Variants in NRG3 observed in about 807,000 individuals in gnomAD.
NRG3 encodes neuregulin 3.
Under a neutral mutation model 66.9 loss-of-function variants are expected in NRG3, and 31 were observed. The ratio of observed to expected loss-of-function variants is 0.46; its 90% CI spans 0.35 to 0.63. The LOEUF is 0.63. Among genes scored for constraint, NRG3 ranks in the 20% least tolerant of loss-of-function variants. The probability of loss-of-function intolerance (pLI) is 0.00; values close to 1 mark genes in which losing one functional copy is unlikely to be tolerated. For missense variants in NRG3, 910 were observed against 878.9 expected (o/e 1.04, Z -0.45); for synonymous variants, 393 against 359.4 (o/e 1.09, Z -1.06).
At chr10:82,159,025 A>T (rs187390205) in intron 1 of NRG3, among the ~76,000 whole-genome samples, 3 of 151,682 alleles carry the variant, frequency 2.0e-5, no homozygotes, top group Non-Finnish European at 4.4e-5. Flanking sequence ...ATAGGTTTCA[A>T]TTTTTTTTAG....
At position 82,843,371 on chromosome 10, in the gene NRG3, G is replaced by A. The variant is rs187140322; in HGVS notation, c.1028-22040G>A. On this transcript the variant is annotated intron_variant, in intron 3 of 8. Transcript: ENST00000372141. ...CCTTCCTTCCATCATGGACTGATGAGCAGGAAGGCCCTTATCAGATATTGG... is the reference window on the plus strand; with the variant it reads ...CCTTCCTTCCATCATGGACTGATGAACAGGAAGGCCCTTATCAGATATTGG... 163 of 323,634 alleles carry A rather than the reference G, an allele frequency of 5.0e-4. 1 individual carries two copies. The highest frequency in any genetic ancestry group is 9.4e-4 in the Non-Finnish European group (146 of 155,332). The allele number at this position is 323,634 out of a possible 1,614,324, so 20.0% of individuals were successfully genotyped here.
At chr10:82,160,146 A>C (rs1019743778) in intron 1 of NRG3, among the ~76,000 whole-genome samples, 1 of 151,950 alleles carries the variant, frequency 6.6e-6, no homozygotes, top group African/African-American at 2.4e-5. Flanking sequence ...TTTTCAAAAA[A>C]ATAATAAAAA....
At chr10:82,898,213 C>T (rs1843848260) in intron 4 of NRG3, among the ~76,000 whole-genome samples, 1 of 152,216 alleles carries the variant, frequency 6.6e-6, no homozygotes, top group African/African-American at 2.4e-5. Context: ...CCCTGGTTGC[C>T]TACAGTGGTC....
chr10:82,829,699 G>A (rs1353820422), intron 3 of NRG3, among the ~76,000 whole-genome samples: 1 of 152,156 alleles, frequency 6.6e-6, no homozygotes, highest in African/African-American at 2.4e-5. Flanking sequence ...AGCCTGGGGA[G>A]TAACCTAGAG....
chr10:82,723,780 G>A (rs901837823), intron 2 of NRG3, among the ~76,000 whole-genome samples: 1 of 152,028 alleles, frequency 6.6e-6, no homozygotes, highest in African/African-American at 2.4e-5. Context: ...AGGAGTTCGA[G>A]ACCAAACTGG....
At chr10:82,613,874 T>TC (rs1461745749) in intron 2 of NRG3, among the ~76,000 whole-genome samples, 1 of 127,160 alleles carries the variant, frequency 7.9e-6, no homozygotes, top group African/African-American at 3.0e-5. Context: ...AGTGTGATGT[T>TC]CCCTTTCCTG....
intron 4 of NRG3, among the ~76,000 whole-genome samples, chr10:82,924,840 G>A (rs1470813234): frequency 6.6e-6 from 1 of 152,118 alleles, no homozygotes; most frequent in Non-Finnish European, 1.5e-5. Context: ...TGGCTGTTTA[G>A]CAGTTCAGCC....
chr10:82,906,510 A>T (rs1844749294), intron 4 of NRG3, among the ~76,000 whole-genome samples: 1 of 152,206 alleles, frequency 6.6e-6, no homozygotes, highest in South Asian at 2.1e-4. Flanking sequence ...CAACAGTTTG[A>T]CATAAATGTA....
chr10:81,933,431 A>G (rs965051274), intron 1 of NRG3, among the ~76,000 whole-genome samples: 5 of 152,162 alleles, frequency 3.3e-5, no homozygotes, highest in African/African-American at 1.2e-4. Context: ...AATTATTATT[A>G]TTATTTTATT....
chr10:82,072,233 T>C (rs1317135909), intron 1 of NRG3, among the ~76,000 whole-genome samples: 2 of 152,234 alleles, frequency 1.3e-5, no homozygotes, highest in Non-Finnish European at 2.9e-5. Flanking sequence ...AACAGGACTT[T>C]CTGAAAGATT....
chr10:82,860,973 C>T (rs1031950491), intron 3 of NRG3, among the ~76,000 whole-genome samples: 6 of 152,206 alleles, frequency 3.9e-5, no homozygotes, highest in South Asian at 2.1e-4. Context: ...AGAAATAGTG[C>T]GATTTATGAT....
intron 1 of NRG3, among the ~76,000 whole-genome samples, chr10:82,165,156 G>A (rs1375348245): frequency 6.6e-6 from 1 of 151,974 alleles, no homozygotes; most frequent in East Asian, 1.9e-4. Context: ...CATTTATGCT[G>A]TTATATTTTA....
At chr10:81,938,825 T>C (rs1848147660) in intron 1 of NRG3, among the ~76,000 whole-genome samples, 1 of 152,050 alleles carries the variant, frequency 6.6e-6, no homozygotes, top group African/African-American at 2.4e-5. Context: ...GTGGGTATCC[T>C]TGCCTTCTTC....
chr10:82,652,444 A>G (rs953268479), intron 2 of NRG3, among the ~76,000 whole-genome samples: 6 of 152,094 alleles, frequency 3.9e-5, no homozygotes, highest in African/African-American at 1.4e-4. Flanking sequence ...ATGGGAAGAT[A>G]ATCTTCCCCT....
chr10:82,413,967 A>T (rs1330032914), intron 2 of NRG3, among the ~76,000 whole-genome samples: 2 of 152,126 alleles, frequency 1.3e-5, no homozygotes, highest in Non-Finnish European at 2.9e-5. Flanking sequence ...TCAGACCACT[A>T]AAACTTTCTC....
chr10:82,501,612 C>G (rs1356031228), intron 2 of NRG3, among the ~76,000 whole-genome samples: 3 of 152,188 alleles, frequency 2.0e-5, no homozygotes, highest in East Asian at 3.9e-4. Flanking sequence ...CTTGCCTTAG[C>G]CCTTCTCAGT....
chr10:82,733,145 A>T (rs1458894513), intron 2 of NRG3, among the ~76,000 whole-genome samples: 2 of 152,362 alleles, frequency 1.3e-5, no homozygotes, highest in East Asian at 3.9e-4. Context: ...TCAAGGTCCA[A>T]AGAAGAAAGT....
At chr10:82,143,862 T>C (rs2070011671) in intron 1 of NRG3, among the ~76,000 whole-genome samples, 1 of 151,836 alleles carries the variant, frequency 6.6e-6, no homozygotes, top group South Asian at 2.1e-4. Flanking sequence ...AAATCCTGTT[T>C]CTATAAAAAG....
At chr10:82,430,627 C>G (rs193121295) in intron 2 of NRG3, among the ~76,000 whole-genome samples, 14 of 152,230 alleles carry the variant, frequency 9.2e-5, no homozygotes, top group African/African-American at 3.1e-4. Flanking sequence ...AAATACCCCT[C>G]CCCTTTTGCT....
Sources: gnomAD v4.1 joint callset for allele counts (sites outside exome capture counted in the v4.1 genomes callset) on GRCh38, gnomAD v4.1.1 for gene constraint, MANE v1.5 for transcripts, NCBI Gene and HGNC (gene_info 2026-07-23, HGNC 2026-07-21) for gene names.